The following RANBP2 variants were observed in gnomAD, a reference collection of about 807,000 sequenced individuals.
RANBP2 encodes the protein E3 SUMO-protein ligase RanBP2.
Under a neutral mutation model 303.6 loss-of-function variants are expected in RANBP2, and 57 were observed. The ratio of observed to expected loss-of-function variants is 0.19; its 90% CI spans 0.15 to 0.23. The LOEUF (loss-of-function observed/expected upper bound fraction) is 0.23, where lower values mean the gene tolerates loss of function less well. Among genes scored for constraint, RANBP2 ranks in the 10% least tolerant of loss-of-function variants. The pLI is 1.00. For missense variants in RANBP2, 3,138 were observed against 3,780.8 expected, an observed-to-expected ratio of 0.83 and a Z score of 4.46; for synonymous variants, 1,167 against 1,301.5, an observed-to-expected ratio of 0.90 and a Z score of 2.23.
At chr2:109,196,331 C>T in the RANBP2 span, among the ~76,000 whole-genome samples, 1 of 152,216 alleles carries the variant, frequency 6.6e-6, no homozygotes. Flanking sequence ...GCCCCAAGGC[C>T]TGGCGTTGGG....
intron 6 of RANBP2, among the ~76,000 whole-genome samples, chr2:108,739,498 A>G (rs556468818): frequency 6.4e-4 from 97 of 152,314 alleles, no homozygotes; most frequent in South Asian, 1.2e-3. Flanking sequence ...AGTAATTTTA[A>G]CTTCATGGAT....
At chr2:108,986,217 T>C in the RANBP2 span, among the ~76,000 whole-genome samples, 1 of 152,204 alleles carries the variant, frequency 6.6e-6, no homozygotes, top group African/African-American at 2.4e-5. Flanking sequence ...ATGGCCTATA[T>C]TTGACAGTTT....
intron 21 of RANBP2, among the ~76,000 whole-genome samples, chr2:108,772,122 AT>A (rs1343053656): frequency 1.3e-5 from 2 of 152,346 alleles, no homozygotes; most frequent in African/African-American, 4.8e-5. Context: ...AATAATTATA[AT>A]TTTGCTGGAG....
chr2:108,721,084 C>T (rs1694206697), intron 1 of RANBP2, among the ~76,000 whole-genome samples: 1 of 152,082 alleles, frequency 6.6e-6, no homozygotes, highest in Non-Finnish European at 1.5e-5. Context: ...CGGAAACTCA[C>T]GGATGACCAT....
chr2:108,848,676 T>TG, the RANBP2 span, among the ~76,000 whole-genome samples: 5 of 152,280 alleles, frequency 3.3e-5, no homozygotes, highest in South Asian at 2.1e-4. Context: ...TTGCAACAAA[T>TG]GCGATGATTT....
At chr2:109,552,079 C>T in the RANBP2 span, among the ~76,000 whole-genome samples, 176 of 152,326 alleles carry the variant, frequency 1.2e-3, no homozygotes, top group African/African-American at 4.1e-3. Flanking sequence ...ATTAGATTCC[C>T]ACAGGAGCAC....
chr2:109,246,782 G>T, the RANBP2 span, among the ~76,000 whole-genome samples: 1 of 152,218 alleles, frequency 6.6e-6, no homozygotes, highest in East Asian at 1.9e-4. Flanking sequence ...GGAGAGCCTC[G>T]CTTGCTCTGA....
the RANBP2 span, among the ~76,000 whole-genome samples, chr2:109,151,654 T>G: frequency 6.6e-6 from 1 of 152,248 alleles, no homozygotes; most frequent in Non-Finnish European, 1.5e-5. Flanking sequence ...CTGCAGTACA[T>G]CTGAGGTCAC....
the RANBP2 span, among the ~76,000 whole-genome samples, chr2:109,578,535 G>A: frequency 2.5e-4 from 8 of 31,390 alleles, no homozygotes; most frequent in African/African-American, 8.4e-4. Flanking sequence ...GGAGGCCGAG[G>A]AGGGTGGAAT....
chr2:108,930,331 G>C, the RANBP2 span: 1 of 1,518,930 alleles, frequency 6.6e-7, no homozygotes, highest in Non-Finnish European at 9.1e-7. Context: ...ATAGGAAGGG[G>C]GTGCCCTGCG....
At chr2:109,722,173 T>C in the RANBP2 span, among the ~76,000 whole-genome samples, 1 of 152,204 alleles carries the variant, frequency 6.6e-6, no homozygotes, top group Non-Finnish European at 1.5e-5. Flanking sequence ...CACCAGGTCC[T>C]GGGGCCCTGC....
chr2:109,730,776 C>CTTTTTT, the RANBP2 span, among the ~76,000 whole-genome samples: 16 of 79,412 alleles, frequency 2.0e-4, no homozygotes, highest in South Asian at 4.7e-4. Context: ...CTCTCTCTCT[C>CTTTTTT]TTTTTTTTTT....
the RANBP2 span, among the ~76,000 whole-genome samples, chr2:109,391,462 G>A: frequency 5.3e-5 from 8 of 152,196 alleles, no homozygotes; most frequent in African/African-American, 1.2e-4. Flanking sequence ...TGGCAGGGCC[G>A]GCGGCCTCAC....
chr2:108,734,477 C>T (rs1695409331), intron 4 of RANBP2, among the ~76,000 whole-genome samples: 1 of 123,436 alleles, frequency 8.1e-6, no homozygotes, highest in Non-Finnish European at 1.6e-5. Flanking sequence ...CACACAGAAA[C>T]CAGTTTGGGG....
chr2:109,267,194 G>A, the RANBP2 span, among the ~76,000 whole-genome samples: 30 of 152,076 alleles, frequency 2.0e-4, no homozygotes, highest in Admixed American at 6.6e-4. Context: ...CTTAGGTTTC[G>A]TCATATTTTT....
chr2:109,333,590 A>G, the RANBP2 span, among the ~76,000 whole-genome samples: 45 of 152,240 alleles, frequency 3.0e-4, no homozygotes, highest in Admixed American at 8.5e-4. Flanking sequence ...TCTGGCTGCT[A>G]CAATGGCAGA....
At chr2:109,603,875 T>A in the RANBP2 span, among the ~76,000 whole-genome samples, 1 of 151,904 alleles carries the variant, frequency 6.6e-6, no homozygotes, top group African/African-American at 2.4e-5. Context: ...CTAATTAAAA[T>A]TTTAAGCCGG....
chr2:109,418,406 G>A, the RANBP2 span, among the ~76,000 whole-genome samples: 1 of 152,170 alleles, frequency 6.6e-6, no homozygotes, highest in African/African-American at 2.4e-5. Context: ...AAGTCAAGGT[G>A]TGGACAGGTT....
chr2:109,129,293 C>G, the RANBP2 span: 1 of 699,450 alleles, frequency 1.4e-6, no homozygotes, highest in Non-Finnish European at 2.4e-6. Flanking sequence ...CCCGCAGCCG[C>G]AGGCGCTGCG....
Sources: allele counts gnomAD v4.1 joint callset (sites outside exome capture counted in the v4.1 genomes callset), GRCh38; gene constraint gnomAD v4.1.1; transcripts MANE v1.5; gene names NCBI Gene and HGNC (gene_info 2026-07-23, HGNC 2026-07-21).